HDLBP: variants seen among roughly 807,000 people sequenced by gnomAD.
HDLBP encodes vigilin.
HDLBP carries 30 observed loss-of-function variants against 137.3 expected under a neutral mutation model. The observed-to-expected ratio is 0.22, with a 90% CI of 0.16 to 0.30. HDLBP has a LOEUF of 0.30. HDLBP is among the 10% of genes least tolerant of loss of function. The pLI is 1.00. For missense variants in HDLBP, 1,119 were observed against 1,667.3 expected, an observed-to-expected ratio of 0.67 and a Z score of 5.73; for synonymous variants, 606 against 596.0, an observed-to-expected ratio of 1.02 and a Z score of -0.24.
chr2:241,281,834 T>G (rs1352516894), intron 1 of HDLBP, among the ~76,000 whole-genome samples: 1 of 152,224 alleles, frequency 6.6e-6, no homozygotes, highest in Non-Finnish European at 1.5e-5. Context: ...ACTTGTTTAT[T>G]TTTATATTTT....
intron 1 of HDLBP, among the ~76,000 whole-genome samples, chr2:241,275,600 A>T (rs2074361725): frequency 6.6e-6 from 1 of 152,228 alleles, no homozygotes; most frequent in African/African-American, 2.4e-5. Flanking sequence ...GAAGGTGTCT[A>T]GCAGGATAAT....
chr2:241,301,843 C>T (rs181458790), intron 1 of HDLBP, among the ~76,000 whole-genome samples: 8 of 151,622 alleles, frequency 5.3e-5, no homozygotes, highest in Admixed American at 5.3e-4. Context: ...AAATCAGAAA[C>T]CATACATCTT....
At chr2:241,279,011 T>G (rs1195778385) in intron 1 of HDLBP, among the ~76,000 whole-genome samples, 3 of 152,020 alleles carry the variant, frequency 2.0e-5, no homozygotes, top group Admixed American at 1.3e-4. Flanking sequence ...AGCAACAGCG[T>G]GAGACTCTGT....
In HDLBP at chr2:241,292,414, G is replaced by T. The variant is rs573071666; in HGVS notation, c.-103+23156C>A. Among the ~76,000 whole-genome samples, 297 of 152,292 alleles carry T rather than the reference G, an allele frequency of 2.0e-3. 2 individuals carry two copies. Among genetic ancestry groups the T allele is most frequent in the Non-Finnish European group, 3.0e-3 (202 of 68,030 alleles). ...AAGCTGCAAGCTATAGATTTTCAAA[G>T]AGCTAAGAGGCTTAAACCAAATGCA... On this transcript the variant is annotated intron_variant, in intron 1 of 27. Transcript: ENST00000310931.
rs1030661138 is a variant in HDLBP at position 241,297,953 on chromosome 2, C to T, written c.-103+17617G>A. On this transcript the variant is annotated intron_variant, in intron 1 of 27. Coordinates refer to ENST00000310931, the MANE Select transcript of HDLBP (RefSeq NM_005336.6). The stretch of plus-strand genomic sequence containing the variant: ...GTCCCAGCTACCGGGGAGGCTGAGG[C>T]GGGAGAATCACTTGAACCCAGGAGG... Among the ~76,000 whole-genome samples, 10 of 139,978 alleles carry T rather than the reference C, an allele frequency of 7.1e-5. No individual in the cohort carries two copies. The South Asian group carries it at 1.4e-3, about 20-fold the overall frequency. The allele number at this position is 139,978 out of a possible 152,430, so 91.8% of individuals were successfully genotyped here.
chr2:241,236,767 G>T lies in HDLBP; in HGVS notation c.2752C>A (p.His918Asn). The T allele has an allele frequency of 1.9e-6, 3 of 1,613,838 alleles. No homozygotes were observed. Among genetic ancestry groups the T allele is most frequent in the Non-Finnish European group, 2.5e-6 (3 of 1,179,832 alleles). ...TCCTGGACAACTGGCTCTGTACTGT[G>T]AACTAGAGAGAAAGGGGAAAAGGGA... is the stretch of plus-strand genomic sequence containing the variant. ...KFPDREENAV[H>N]STEPVVQENG... The change falls in exon 21 of 28, where the codon CAC (histidine) becomes AAC (asparagine). Residue 918 changes from histidine (H) to asparagine (N), a missense_variant and splice_region_variant. By Grantham distance (68) the His-to-Asn change is moderately conservative (BLOSUM62 1). Transcript: ENST00000310931.
chr2:241,262,931 T>A lies in HDLBP; in HGVS notation c.235-5A>T, dbSNP rs765424094. ...CTCCAGGGGTACATGGAACACCTGC[T>A]CAAAAAAGATCAAAAAAGGAAAGGT... is the stretch of plus-strand genomic sequence containing the variant. On this transcript the variant is annotated splice_polypyrimidine_tract_variant and splice_region_variant and intron_variant, in intron 4 of 27. Transcript: ENST00000310931. 1.3e-6 allele frequency: 2 copies of A among 1,590,318 alleles called. No individual in the cohort carries two copies. The highest frequency in any genetic ancestry group is 2.2e-5 in the South Asian group (2 of 90,538).
At chr2:241,243,369 G>A (rs1288133351) in intron 16 of HDLBP, among the ~76,000 whole-genome samples, 4 of 152,226 alleles carry the variant, frequency 2.6e-5, no homozygotes, top group Non-Finnish European at 5.9e-5. Context: ...ACAGGAAACA[G>A]TGCCTGCAGC....
intron 23 of HDLBP, among the ~76,000 whole-genome samples, chr2:241,234,318 A>C (rs1461008228): frequency 1.3e-5 from 2 of 152,214 alleles, no homozygotes; most frequent in Non-Finnish European, 2.9e-5. Context: ...ACGCACAGAA[A>C]TGCTCTGGAT....
chr2:241,297,948 T>G (rs1196397736), intron 1 of HDLBP, among the ~76,000 whole-genome samples: 2 of 143,028 alleles, frequency 1.4e-5, no homozygotes, highest in Non-Finnish European at 3.0e-5. Context: ...CCGGGGAGGC[T>G]GAGGCGGGAG....
At chr2:241,290,394 T>A (rs1291831223) in intron 1 of HDLBP, among the ~76,000 whole-genome samples, 1 of 152,142 alleles carries the variant, frequency 6.6e-6, no homozygotes, top group Non-Finnish European at 1.5e-5. Flanking sequence ...GTGGATTACC[T>A]GAGGTCGGGA....
chr2:241,295,057 G>A (rs2075127601), intron 1 of HDLBP, among the ~76,000 whole-genome samples: 1 of 152,088 alleles, frequency 6.6e-6, no homozygotes, highest in Non-Finnish European at 1.5e-5. Context: ...AGCCGAGATT[G>A]CACCACTGCA....
At chr2:241,301,143 A>ATT (rs77756952) in intron 1 of HDLBP, among the ~76,000 whole-genome samples, 3 of 138,242 alleles carry the variant, frequency 2.2e-5, no homozygotes, top group East Asian at 4.1e-4. Context: ...GGCCCGGCTA[A>ATT]TTTTTTTTTT....
At chr2:241,262,552 T>G (rs938461272) in intron 5 of HDLBP, among the ~76,000 whole-genome samples, 159 bp downstream of exon 5, 1 of 152,214 alleles carries the variant, frequency 6.6e-6, no homozygotes, top group African/African-American at 2.4e-5. Context: ...GTTTTTCCAC[T>G]AAAAATGCCA....
intron 1 of HDLBP, among the ~76,000 whole-genome samples, chr2:241,282,970 T>G (rs1559542308): frequency 6.6e-6 from 1 of 151,890 alleles, no homozygotes; most frequent in East Asian, 1.9e-4. Flanking sequence ...TGAAGAAGAG[T>G]TGTTAAAAGC....
intron 1 of HDLBP, among the ~76,000 whole-genome samples, chr2:241,310,107 A>G (rs1356752891): frequency 1.3e-5 from 2 of 152,190 alleles, no homozygotes; most frequent in Non-Finnish European, 2.9e-5. Context: ...GAAAAAGAAA[A>G]CAGGGAAAAA....
rs1203249378 is a variant in HDLBP at position 241,228,076 on chromosome 2, C to G, written c.*1525G>C. 5 of 152,260 alleles carry G rather than the reference C, an allele frequency of 3.3e-5. No individual in the cohort carries two copies. Among genetic ancestry groups the G allele is most frequent in the Admixed American group, 2.6e-4 (4 of 15,288 alleles). 9.4% of individuals were successfully genotyped at this position (152,260 alleles called of 1,614,324 possible). Reference sequence around the variant, plus strand: ...TCTGGGTCTACTCAAGAATTCGAGTCTGAAGATGACCAAGCTTGAGTTATT... The same window carrying G: ...TCTGGGTCTACTCAAGAATTCGAGTGTGAAGATGACCAAGCTTGAGTTATT... On this transcript the variant is annotated 3_prime_UTR_variant, in exon 28 of 28. Transcript: ENST00000310931.
chr2:241,310,943 T>C (rs2075740051), intron 1 of HDLBP, among the ~76,000 whole-genome samples: 1 of 152,046 alleles, frequency 6.6e-6, no homozygotes, highest in African/African-American at 2.4e-5. Context: ...AGAGAGCTCA[T>C]GTCTACAAAA....
intron 16 of HDLBP, among the ~76,000 whole-genome samples, chr2:241,245,871 G>A (rs1434842575): frequency 4.6e-5 from 7 of 152,156 alleles, no homozygotes; most frequent in African/African-American, 1.4e-4. Context: ...CCAGGGAAAA[G>A]GCATCATTTT....
Sources: gnomAD v4.1 joint callset for allele counts (sites outside exome capture counted in the v4.1 genomes callset) on GRCh38, gnomAD v4.1.1 for gene constraint, MANE v1.5 for transcripts, NCBI Gene and HGNC (gene_info 2026-07-23, HGNC 2026-07-21) for gene names.